Variants in USP9Y observed in about 807,000 individuals in gnomAD.
USP9Y encodes the protein ubiquitin carboxyl-terminal hydrolase 9Y.
A neutral mutation model predicts 53.1 loss-of-function variants in USP9Y; 41 were observed. That is an observed-to-expected ratio of 0.77 (90% CI 0.60 to 1.00). USP9Y has a LOEUF of 1.00. Ranked by LOEUF, USP9Y falls within the 50% of genes least tolerant of loss-of-function variation. The pLI, the probability that USP9Y is intolerant of heterozygous loss-of-function variation, is 0.00. For missense variants in USP9Y, 567 were observed against 535.8 expected (o/e 1.06, Z -0.58); for synonymous variants, 220 against 173.7 (o/e 1.27, Z -2.09).
chrY:12,843,281 T>C, intron 39 of USP9Y, 88 bp downstream of exon 39: 2 of 230,275 alleles, frequency 8.7e-6, no homozygotes, highest in Non-Finnish European at 1.4e-5. Context: ...TTACATGTAA[T>C]TTGTTCTGAA....
At chrY:12,721,205 C>G (rs2053435390) in intron 4 of USP9Y, 1 of 34,786 alleles carries the variant, frequency 2.9e-5, no homozygotes, top group African/African-American at 1.2e-4. Flanking sequence ...TTGCTGATTT[C>G]TGTTAGAGTG....
At chrY:12,807,521 G>A (rs2053525831) in intron 27 of USP9Y, among the ~76,000 whole-genome samples, 2 of 27,015 alleles carry the variant, frequency 7.4e-5, no homozygotes, top group Non-Finnish European at 1.7e-4. Flanking sequence ...ACACCACCAC[G>A]CCTTGCTAAT....
chrY:12,701,503 C>T lies in USP9Y; in HGVS notation c.-673C>T. On this transcript the variant is annotated 5_prime_UTR_variant, in exon 1 of 46. It adds an upstream start codon to the 5' untranslated region. Transcript: ENST00000338981. ...CTCACTGAAATTGTAAAGTGGTAGACGTGGACTTAGTCATTACTGGGCAGC... is the reference window on the plus strand; with the variant it reads ...CTCACTGAAATTGTAAAGTGGTAGATGTGGACTTAGTCATTACTGGGCAGC... 3.0e-5 allele frequency: 1 copy of T among 33,812 alleles called. No individual in the cohort carries two copies. The highest frequency in any genetic ancestry group is 7.3e-5 in the Non-Finnish European group (1 of 13,646). 8.4% of individuals were successfully genotyped at this position (33,812 alleles called of 400,897 possible). A position where few individuals can be genotyped will look rare whatever the true frequency, so the allele number is the denominator to read the frequency against.
chrY:12,740,242 T>G (rs954876882), intron 12 of USP9Y, among the ~76,000 whole-genome samples: 12 of 33,490 alleles, frequency 3.6e-4, no homozygotes, highest in Admixed American at 2.5e-3. Context: ...ATGTAGATTC[T>G]TACGTTCTAT....
intron 7 of USP9Y, among the ~76,000 whole-genome samples, chrY:12,727,070 C>T: frequency 3.0e-5 from 1 of 33,495 alleles, no homozygotes; most frequent in African/African-American, 1.2e-4. Flanking sequence ...GAGGAGAAGT[C>T]AGTATTTGCT....
Position 12,773,569 on chromosome Y carries a change from T to G in USP9Y, c.1989-14T>G. Reference sequence around the variant, plus strand: ...ACTATGTTGACCCTAATTACTGATTTATGTTTCTCCAAGATTTTTACTGAA... The same window carrying G: ...ACTATGTTGACCCTAATTACTGATTGATGTTTCTCCAAGATTTTTACTGAA... On this transcript the variant is annotated splice_polypyrimidine_tract_variant and intron_variant, in intron 16 of 45. Transcript: ENST00000338981. 2.5e-6 allele frequency: 1 copy of G among 394,398 alleles called. No individual in the cohort carries two copies. The highest frequency in any genetic ancestry group is 6.4e-5 in the African/African-American group (1 of 15,687).
chrY:12,773,738 A>G lies in USP9Y; in HGVS notation c.2144A>G (p.Asp715Gly), dbSNP rs2053488684. ...GGGGATGAACCAGACTTGGATCCTG[A>G]TATTAATAAGGACTTCTTTGAAAGT... ...LMGDEPDLDP[D>G]INKDFFESNV... The change falls in exon 17 of 46, where the codon GAT becomes GGT. Residue 715 changes from aspartate to glycine, a missense_variant. By Grantham distance (94) the Asp-to-Gly change is moderately conservative (BLOSUM62 -1). Coordinates refer to ENST00000338981, the MANE Select transcript of USP9Y (RefSeq NM_004654.4). The G allele has an allele frequency of 2.5e-6, 1 of 396,749 alleles. No homozygotes were observed. Among genetic ancestry groups the G allele is most frequent in the Non-Finnish European group, 3.5e-6 (1 of 283,218 alleles).
At chrY:12,787,796 A>G in intron 24 of USP9Y, among the ~76,000 whole-genome samples, 2 of 33,360 alleles carry the variant, frequency 6.0e-5, no homozygotes, top group African/African-American at 1.2e-4. Context: ...GCATATTTAC[A>G]TAAAAAAAGG....
At position 12,701,483 on chromosome Y, in the gene USP9Y, T is replaced by G. The variant is rs1018088103; in HGVS notation, c.-693T>G. On this transcript the variant is annotated 5_prime_UTR_variant, in exon 1 of 46. Transcript: ENST00000338981. Reference sequence around the variant, plus strand: ...CCAATTAGCAGATTGTTTAACTCACTGAAATTGTAAAGTGGTAGACGTGGA... The same window carrying G: ...CCAATTAGCAGATTGTTTAACTCACGGAAATTGTAAAGTGGTAGACGTGGA... 5 of 34,017 alleles carry G rather than the reference T, an allele frequency of 1.5e-4. No homozygotes were observed. In the South Asian group the frequency reaches 3.2e-3, roughly 22 times the overall value. 8.5% of individuals were successfully genotyped at this position (34,017 alleles called of 400,897 possible). A position where few individuals can be genotyped will look rare whatever the true frequency, so the allele number is the denominator to read the frequency against.
intron 12 of USP9Y, among the ~76,000 whole-genome samples, chrY:12,744,648 A>G (rs2053459567): frequency 3.0e-5 from 1 of 33,792 alleles, no homozygotes; most frequent in Non-Finnish European, 7.3e-5. Context: ...AGATGAAAGA[A>G]GTGTTTATGC....
At chrY:12,833,193 C>G in intron 33 of USP9Y, among the ~76,000 whole-genome samples, 1 of 32,786 alleles carries the variant, frequency 3.1e-5, no homozygotes, top group Admixed American at 2.8e-4. Context: ...GATTGGTTCA[C>G]CTTTTATGCC....
At position 12,860,164 on chromosome Y, in the gene USP9Y, G is replaced by A; in HGVS notation, c.*748G>A. 3.0e-5 allele frequency: 1 copy of A among 32,960 alleles called. No individual in the cohort carries two copies. The highest frequency in any genetic ancestry group is 7.5e-5 in the Non-Finnish European group (1 of 13,369). The allele number at this position is 32,960 out of a possible 400,897, so 8.2% of individuals were successfully genotyped here. ...ATACCTAGAATAAATATAAAATGGG[G>A]GAAAAATGTGACAGACAAGCAGTTT... On this transcript the variant is annotated 3_prime_UTR_variant, in exon 46 of 46. Coordinates refer to ENST00000338981, the MANE Select transcript of USP9Y (RefSeq NM_004654.4).
intron 22 of USP9Y, among the ~76,000 whole-genome samples, chrY:12,782,409 C>T: frequency 3.0e-5 from 1 of 33,686 alleles, no homozygotes; most frequent in Non-Finnish European, 7.4e-5. Flanking sequence ...GCAATGAAAA[C>T]ACCATTCATT....
intron 12 of USP9Y, among the ~76,000 whole-genome samples, chrY:12,754,206 CGTGTGTGTGT>C (rs371528539): frequency 3.9e-5 from 1 of 25,349 alleles, no homozygotes; most frequent in African/African-American, 1.5e-4. Context: ...ATACATGTTG[CGTGTGTGTGT>C]GTGTGTGTGT....
intron 35 of USP9Y, among the ~76,000 whole-genome samples, chrY:12,839,245 A>G (rs751644480): frequency 5.9e-5 from 2 of 33,741 alleles, no homozygotes; most frequent in Middle Eastern, 0.027. Flanking sequence ...AAAAGAAAAC[A>G]TCAGAGGAGT....
At chrY:12,834,534 C>T in intron 34 of USP9Y, among the ~76,000 whole-genome samples, 2 of 33,319 alleles carry the variant, frequency 6.0e-5, no homozygotes, top group South Asian at 1.4e-3. Flanking sequence ...TCCCTTTTTC[C>T]AGCATATCCA....
At chrY:12,839,544 T>G in intron 35 of USP9Y, among the ~76,000 whole-genome samples, 3 of 32,766 alleles carry the variant, frequency 9.2e-5, no homozygotes, top group African/African-American at 2.4e-4. Flanking sequence ...TACAGGAGGA[T>G]GTCTGTAGAT....
intron 3 of USP9Y, among the ~76,000 whole-genome samples, chrY:12,720,163 G>A (rs963576542): frequency 3.0e-5 from 1 of 33,220 alleles, no homozygotes; most frequent in South Asian, 6.7e-4. Flanking sequence ...TTTGGGAAGC[G>A]GAGGTGGGTG....
intron 27 of USP9Y, among the ~76,000 whole-genome samples, chrY:12,801,066 G>T: frequency 3.0e-5 from 1 of 33,499 alleles, no homozygotes; most frequent in Non-Finnish European, 7.4e-5. Context: ...CTTCTGTAAT[G>T]CTTCCCCATG....
Sources: allele counts gnomAD v4.1 joint callset (sites outside exome capture counted in the v4.1 genomes callset), GRCh38; gene constraint gnomAD v4.1.1; transcripts MANE v1.5; gene names NCBI Gene and HGNC (gene_info 2026-07-23, HGNC 2026-07-21).